RNF213: variants seen among roughly 807,000 people sequenced by gnomAD.
RNF213 encodes the protein E3 ubiquitin-protein ligase RNF213.
Under a neutral mutation model 514.4 loss-of-function variants are expected in RNF213, and 341 were observed. The ratio of observed to expected loss-of-function variants is 0.66; its 90% CI spans 0.61 to 0.73. The LOEUF is 0.73. RNF213 is among the 30% of genes least tolerant of loss of function. The pLI, the probability that RNF213 is intolerant of heterozygous loss-of-function variation, is 0.00. For synonymous variants in RNF213, 2,655 were observed against 2,658.2 expected (o/e 1.00, Z 0.04); for missense variants, 5,767 against 6,615.6 (o/e 0.87, Z 4.45).
chr17:80,361,387 G>A (rs1568132630), intron 38 of RNF213, among the ~76,000 whole-genome samples: 1 of 152,116 alleles, frequency 6.6e-6, no homozygotes, highest in Admixed American at 6.5e-5. Context: ...GGGTGTGGTG[G>A]TGCATGCCTG....
rs368932791 is a variant in RNF213, at chr17:80,352,925, C to A, written c.10304-15C>A. 1 of 1,613,982 alleles carries A rather than the reference C, an allele frequency of 6.2e-7. No homozygotes were observed. ...AAGACACAAAGACAGTTGTGGGTGG[C>A]TTCACTCTTCACAGGGCTGTGGCAG... On this transcript the variant is annotated splice_polypyrimidine_tract_variant and intron_variant, in intron 32 of 67. Transcript: ENST00000582970.
intron 44 of RNF213, among the ~76,000 whole-genome samples, chr17:80,368,465 C>T (rs955265701): frequency 2.8e-5 from 4 of 144,770 alleles, no homozygotes; most frequent in Admixed American, 6.9e-5. Flanking sequence ...CAGTGTTTCA[C>T]TCTGTTGCCC....
chr17:80,356,065 G>A lies in RNF213; in HGVS notation c.10862+1489G>A, dbSNP rs574960086. 1.0e-3 allele frequency among the ~76,000 whole-genome samples: 152 copies of A among 150,972 alleles called. 1 individual carries two copies. Among genetic ancestry groups the A allele is most frequent in the African/African-American group, 3.5e-3 (143 of 41,090 alleles). On this transcript the variant is annotated intron_variant, in intron 36 of 67. Transcript: ENST00000582970. ...CGCCCAGGCTGGAGTGCAGTGATGC[G>A]ATCTCAGCTCACTGAAACTTCCACC... is the stretch of plus-strand genomic sequence containing the variant.
chr17:80,375,088 C>T (rs1170902872), intron 50 of RNF213: 1 of 175,992 alleles, frequency 5.7e-6, no homozygotes, highest in Non-Finnish European at 1.2e-5. Flanking sequence ...CTTTTTGAGT[C>T]CCTGTGCCAG....
intron 54 of RNF213, chr17:80,379,352 T>C (rs1330998335): frequency 4.2e-6 from 2 of 479,098 alleles, no homozygotes; most frequent in Non-Finnish European, 7.7e-6. Flanking sequence ...TTGAATTTTA[T>C]ATATTTGTCT....
At chr17:80,261,689 T>G (rs1298890921) in intron 1 of RNF213, among the ~76,000 whole-genome samples, 1 of 152,342 alleles carries the variant, frequency 6.6e-6, no homozygotes, top group African/African-American at 2.4e-5. Context: ...GGCTCTCTCT[T>G]GTGTCTTCCG....
In RNF213 at chr17:80,317,453, G is replaced by A. The variant is rs955370977; in HGVS notation, c.2901+176G>A. On this transcript the variant is annotated intron_variant, in intron 16 of 67. Transcript: ENST00000582970. This position sits in a 1 kb window ranked among gnomAD's most constrained non-coding sequence, Gnocchi z 4.1. ...CCTTATAGTCTGTCCCTAGAAGAGCGCTTCGGAGTCTTACTGAGAGGACAG... is the reference window on the plus strand; with the variant it reads ...CCTTATAGTCTGTCCCTAGAAGAGCACTTCGGAGTCTTACTGAGAGGACAG... Among the ~76,000 whole-genome samples, 7 of 152,282 alleles carry A rather than the reference G, an allele frequency of 4.6e-5. No homozygotes were observed. The highest frequency in any genetic ancestry group is 1.2e-4 in the African/African-American group (5 of 41,556).
At chr17:80,342,661 AAT>A (rs1185633447) in intron 26 of RNF213, among the ~76,000 whole-genome samples, 1 of 146,710 alleles carries the variant, frequency 6.8e-6, no homozygotes, top group Non-Finnish European at 1.5e-5. Context: ...TTACATATAT[AAT>A]ATATATTCTA....
chr17:80,303,722 C>T (rs1300362789), intron 11 of RNF213, among the ~76,000 whole-genome samples: 1 of 151,754 alleles, frequency 6.6e-6, no homozygotes, highest in Non-Finnish European at 1.5e-5. Flanking sequence ...TGTCATCACA[C>T]ATCACATGTG....
Position 80,374,556 on chromosome 17 carries a change from G to A in RNF213, c.13041G>A (p.Glu4347=), listed in dbSNP as rs2079665590. Residue 4347 remains glutamate, a synonymous_variant, in exon 50 of 68, where the codon GAG becomes GAA. Transcript: ENST00000582970. The part of the protein sequence containing the change: ...LRDAVAKAVL[E]CKPLGIKTAL... Reference sequence around the variant, plus strand: ...ATGCTGTGGCCAAAGCTGTCCTCGAGTGCAAGCCACTGGGCATTAAGACTG... The same window carrying A: ...ATGCTGTGGCCAAAGCTGTCCTCGAATGCAAGCCACTGGGCATTAAGACTG... 1.2e-6 allele frequency: 2 copies of A among 1,614,226 alleles called. No homozygotes were observed. The highest frequency in any genetic ancestry group is 1.3e-5 in the African/African-American group (1 of 75,060).
intron 3 of RNF213, among the ~76,000 whole-genome samples, chr17:80,275,320 C>T (rs1452951031): frequency 3.3e-5 from 5 of 151,830 alleles, no homozygotes; most frequent in African/African-American, 1.2e-4. Flanking sequence ...CCTTTTTATG[C>T]CTAATTTGGA....
rs2043486885 is a variant in RNF213, at chr17:80,263,222, T to C, written c.-108-352T>C. 6.6e-6 allele frequency among the ~76,000 whole-genome samples: 1 copy of C among 152,162 alleles called. No individual in the cohort carries two copies. The highest frequency in any genetic ancestry group is 1.5e-5 in the Non-Finnish European group (1 of 68,032). ...AGCCCAGTAGCCCTGGGCTGCCTGC[T>C]CAGGCCCCATCACCTGTGGGGCAGG... On this transcript the variant is annotated intron_variant, in intron 1 of 67. Transcript: ENST00000582970. This position sits in a 1 kb window ranked among gnomAD's most constrained non-coding sequence, Gnocchi z 4.9.
At chr17:80,328,511 C>G (rs1218145900) in intron 20 of RNF213, 34 bp downstream of exon 20, 1 of 1,535,724 alleles carries the variant, frequency 6.5e-7, no homozygotes, top group Non-Finnish European at 8.7e-7. Flanking sequence ...AAGTTGAGGG[C>G]TCTCAAAGGG....
chr17:80,375,663 A>T (rs2079723621), intron 50 of RNF213, 97 bp from the exon 51 acceptor site: 3 of 829,204 alleles, frequency 3.6e-6, no homozygotes, highest in Non-Finnish European at 6.3e-6. Context: ...AGATCATGCC[A>T]CTGCACTCCA....
In RNF213 at chr17:80,347,464, C is replaced by T. The variant is rs142491605; in HGVS notation, c.9129C>T (p.Leu3043=). 8.8e-5 allele frequency: 142 copies of T among 1,614,052 alleles called. 2 individuals carry two copies. The East Asian group carries it at 1.0e-3, about 11-fold the overall frequency. The stretch of plus-strand genomic sequence containing the variant: ...AAGATGCTGAGTCCCGCTACTTACT[C>T]GTGCTGACCAAAAACTACGTGGCAC... ...EQEDAESRYL[L]VLTKNYVALQ... The change falls in exon 29 of 68, where the codon CTC becomes CTT. Residue 3043 remains leucine (L), a synonymous_variant. Transcript: ENST00000582970. This position sits in a 1 kb window ranked among gnomAD's most constrained non-coding sequence, Gnocchi z 7.2.
intron 26 of RNF213, 120 bp downstream of exon 26, chr17:80,340,476 T>G: frequency 2.1e-6 from 2 of 973,510 alleles, no homozygotes; most frequent in Non-Finnish European, 3.1e-6. Context: ...GAGGGTGTGA[T>G]TCATCTGTGG....
intron 29 of RNF213, among the ~76,000 whole-genome samples, chr17:80,348,938 C>T (rs938860569): frequency 3.9e-5 from 6 of 152,138 alleles, no homozygotes; most frequent in African/African-American, 2.4e-5. Flanking sequence ...ACTGGAGGCA[C>T]GCTTGTCTCC....
chr17:80,381,370 G>T, intron 56 of RNF213, 177 bp from the exon 57 acceptor site: 1 of 706,412 alleles, frequency 1.4e-6, no homozygotes, highest in Non-Finnish European at 2.5e-6. Context: ...CAACAGAAAA[G>T]CCAGCAGCCG....
At chr17:80,295,116 G>C in intron 9 of RNF213, 113 bp downstream of exon 9, 1 of 1,225,268 alleles carries the variant, frequency 8.2e-7, no homozygotes, top group Non-Finnish European at 1.2e-6. Context: ...GGAATGTGTA[G>C]AACTTTCCAG....
Sources: gnomAD v4.1 joint callset for allele counts (sites outside exome capture counted in the v4.1 genomes callset) on GRCh38, gnomAD v4.1.1 for gene constraint, Gnocchi (gnomAD v3.1) non-coding constraint, MANE v1.5 for transcripts, NCBI Gene and HGNC (gene_info 2026-07-23, HGNC 2026-07-21) for gene names.